Variants in FANCD2 observed in about 807,000 individuals in gnomAD.
FANCD2 encodes Fanconi anemia group D2 protein.
Under a neutral mutation model 192.3 loss-of-function variants are expected in FANCD2, and 131 were observed. The ratio of observed to expected loss-of-function variants is 0.68; its 90% CI spans 0.59 to 0.79. The LOEUF is 0.79. Ranked by LOEUF, FANCD2 falls within the 30% of genes least tolerant of loss-of-function variation. The pLI is 0.00. For missense variants in FANCD2, 1,508 were observed against 1,701.6 expected (o/e 0.89, Z 2.00); for synonymous variants, 524 against 612.5 (o/e 0.86, Z 2.13).
intron 36 of FANCD2, among the ~76,000 whole-genome samples, chr3:10,089,847 G>A (rs1231740353): frequency 6.6e-6 from 1 of 152,140 alleles, no homozygotes; most frequent in Non-Finnish European, 1.5e-5. Context: ...AATATCAATA[G>A]TTATCTTAAC....
At chr3:10,038,103 G>A (rs992936974) in intron 7 of FANCD2, among the ~76,000 whole-genome samples, 4 of 152,158 alleles carry the variant, frequency 2.6e-5, no homozygotes, top group Admixed American at 1.3e-4. Flanking sequence ...TGATTCTCCT[G>A]CCTCAGCCCC....
Position 10,081,093 on chromosome 3 carries a change from A to G in FANCD2, c.2977-7A>G, listed in dbSNP as rs1693808899. The G allele has an allele frequency of 6.2e-7, 1 of 1,613,976 alleles. No individual in the cohort carries two copies. The highest frequency in any genetic ancestry group is 1.3e-5 in the African/African-American group (1 of 74,942). On this transcript the variant is annotated splice_region_variant and splice_polypyrimidine_tract_variant and intron_variant, in intron 30 of 43. Transcript: ENST00000675286. ...TTTCTTCACTCATAACTCTGCATTTATTATAGAACAAAGGAAGCCGGAATA... is the reference window on the plus strand; with the variant it reads ...TTTCTTCACTCATAACTCTGCATTTGTTATAGAACAAAGGAAGCCGGAATA...
At chr3:10,039,156 A>C in intron 7 of FANCD2, 123 bp from the exon 8 acceptor site, 1 of 647,482 alleles carries the variant, frequency 1.5e-6, no homozygotes, top group Non-Finnish European at 2.7e-6. Context: ...TGCAGTGCCG[A>C]ATGCATAGTA....
intron 31 of FANCD2, 51 bp from the exon 32 acceptor site, chr3:10,081,295 A>C: frequency 6.2e-7 from 1 of 1,612,992 alleles, no homozygotes; most frequent in Non-Finnish European, 8.5e-7. Flanking sequence ...AGAAAAAGGA[A>C]AATGAGGACA....
rs190777319 is a variant in FANCD2 at position 10,064,760 on chromosome 3, G to A, written c.2053G>A (p.Gly685Arg). The change falls in exon 23 of 44, where the codon GGA becomes AGA. Residue 685 changes from glycine to arginine, a missense_variant. Physicochemically the swap from Gly to Arg is moderately radical, Grantham distance 125 (BLOSUM62 -2). Transcript: ENST00000675286. Reference protein sequence around the residue: ...DFPFPVKALYGLEEYDTQDGI... With the variant: ...DFPFPVKALYRLEEYDTQDGI... Reference sequence around the variant, plus strand: ...TCCATTTCCTGTGAAAGCACTGTACGGACTGGAAGAATACGACACTCAGGA... The same window carrying A: ...TCCATTTCCTGTGAAAGCACTGTACAGACTGGAAGAATACGACACTCAGGA... 8.1e-6 allele frequency: 13 copies of A among 1,614,074 alleles called. No homozygotes were observed. Among genetic ancestry groups the A allele is most frequent in the African/African-American group, 6.7e-5 (5 of 75,054 alleles).
At chr3:10,069,611 G>A (rs909347575) in intron 26 of FANCD2, among the ~76,000 whole-genome samples, 1 of 151,844 alleles carries the variant, frequency 6.6e-6, no homozygotes, top group Non-Finnish European at 1.5e-5. Flanking sequence ...GCAGGCGCGC[G>A]CCGCCACGCC....
intron 28 of FANCD2, 37 bp downstream of exon 28, chr3:10,073,399 A>G: frequency 7.1e-7 from 1 of 1,415,846 alleles, no homozygotes; most frequent in Non-Finnish European, 1.0e-6. Flanking sequence ...GGTTTGTGAC[A>G]TCCCAGTGAG....
chr3:10,033,448 A>G (rs2086651315), intron 3 of FANCD2, among the ~76,000 whole-genome samples: 1 of 152,166 alleles, frequency 6.6e-6, no homozygotes, highest in Admixed American at 6.5e-5. Flanking sequence ...TTTGGTCCTC[A>G]TTACTATGTC....
Position 10,088,556 on chromosome 3 carries a change from T to C in FANCD2, c.3560+14T>C. On this transcript the variant is annotated intron_variant, in intron 35 of 43. Transcript: ENST00000675286. ...TGCTCTGCTCTGGTGAGATGTTTGG[T>C]TTCTTCCAATGAGCCAAATAGCTTT... The C allele has an allele frequency of 6.5e-7, 1 of 1,540,790 alleles. No homozygotes were observed. Among genetic ancestry groups the C allele is most frequent in the East Asian group, 2.2e-5 (1 of 44,496 alleles).
chr3:10,069,026 AT>A (rs2087796595), intron 26 of FANCD2, among the ~76,000 whole-genome samples: 1 of 152,242 alleles, frequency 6.6e-6, no homozygotes, highest in Admixed American at 6.5e-5. Context: ...ACTTCAAATT[AT>A]GAAACTACTA....
At chr3:10,089,219 A>G (rs1694429862) in intron 36 of FANCD2, among the ~76,000 whole-genome samples, 1 of 151,866 alleles carries the variant, frequency 6.6e-6, no homozygotes, top group African/African-American at 2.4e-5. Context: ...TGGGAGGCGG[A>G]GGTTGCAGTG....
intron 14 of FANCD2, 199 bp from the exon 15 acceptor site, chr3:10,046,381 G>C: frequency 1.2e-6 from 1 of 812,692 alleles, no homozygotes; most frequent in South Asian, 1.7e-5. Flanking sequence ...GGTATCAATG[G>C]TTAACAGTTG....
intron 42 of FANCD2, 86 bp downstream of exon 42, chr3:10,096,558 C>G (rs1325011459): frequency 1.6e-6 from 2 of 1,272,312 alleles, no homozygotes; most frequent in East Asian, 4.6e-5. Context: ...GTCACCTAAG[C>G]CCTCGTCTCT....
rs746501818 is a variant in FANCD2 at position 10,094,359 on chromosome 3, A to G, written c.3959A>G (p.His1320Arg). Residue 1320 changes from histidine to arginine, a missense_variant, in exon 40 of 44, where the codon CAC becomes CGC. His to Arg is a conservative substitution (Grantham distance 29). Around this residue, in one of 5 missense-constraint regions of FANCD2, gnomAD observed 796 missense variants for 879.4 expected, o/e 0.91. Coordinates refer to ENST00000675286, the MANE Select transcript of FANCD2 (RefSeq NM_001018115.3). Reference sequence around the variant, plus strand: ...CTCCTAGACTTCAGTTTTAGAAAACACCGGGTAAGAGCTAAGAGCAGAGAA... The same window carrying G: ...CTCCTAGACTTCAGTTTTAGAAAACGCCGGGTAAGAGCTAAGAGCAGAGAA... ...MPLLDFSFRK[H>R]REDVLSLLET... is the part of the protein sequence containing the mutation. 5 of 1,613,128 alleles carry G rather than the reference A, an allele frequency of 3.1e-6. No individual in the cohort carries two copies. The East Asian group carries it at 8.9e-5, about 29-fold the overall frequency.
Position 10,067,228 on chromosome 3 carries a change from A to G in FANCD2, c.2405A>G (p.Gln802Arg). 1 of 1,612,492 alleles carries G rather than the reference A, an allele frequency of 6.2e-7. No individual in the cohort carries two copies. Among genetic ancestry groups the G allele is most frequent in the East Asian group, 2.2e-5 (1 of 44,872 alleles). ...TTGCAGATTGTAAATGCCTTCTGCC[A>G]GGAAACATCACCTGAGATGAAGGGG... ...WFREIVNAFC[Q>R]ETSPEMKGKV... is the part of the protein sequence containing the mutation. Residue 802 changes from glutamine to arginine, a missense_variant, in exon 26 of 44, where the codon CAG becomes CGG. Gln to Arg is a conservative substitution (Grantham distance 43, BLOSUM62 1). Coordinates refer to ENST00000675286, the MANE Select transcript of FANCD2 (RefSeq NM_001018115.3).
intron 30 of FANCD2, among the ~76,000 whole-genome samples, chr3:10,080,483 T>G (rs1232000177): frequency 1.3e-5 from 2 of 152,212 alleles, no homozygotes; most frequent in Non-Finnish European, 2.9e-5. Flanking sequence ...TCAATTATAA[T>G]AGGGAGGCAG....
At chr3:10,088,705 G>T in intron 35 of FANCD2, 123 bp from the exon 36 acceptor site, 1 of 1,170,190 alleles carries the variant, frequency 8.5e-7, no homozygotes. Context: ...AAGATCCTCT[G>T]GTTCTGTTTT....
At chr3:10,060,726 C>G (rs2087541635) in intron 19 of FANCD2, among the ~76,000 whole-genome samples, 1 of 152,194 alleles carries the variant, frequency 6.6e-6, no homozygotes, top group African/African-American at 2.4e-5. Context: ...GATATAGGCA[C>G]TAGACAATGC....
Position 10,060,396 on chromosome 3 carries a change from G to A in FANCD2, c.1759G>A (p.Ala587Thr), listed in dbSNP as rs1553610798. 3 of 1,612,752 alleles carry A rather than the reference G, an allele frequency of 1.9e-6. No individual in the cohort carries two copies. The highest frequency in any genetic ancestry group is 1.1e-5 in the South Asian group (1 of 91,042). The change falls in exon 19 of 44, where the codon GCA becomes ACA. Residue 587 changes from alanine (A) to threonine (T), a missense_variant. Physicochemically the swap from Ala to Thr is moderately conservative, Grantham distance 58 (BLOSUM62 0). This residue lies in a region of FANCD2 where 110 missense variants were observed against 114.4 expected (regional missense o/e 0.96). Coordinates refer to ENST00000675286, the MANE Select transcript of FANCD2 (RefSeq NM_001018115.3). ...TGTGACCATGGCTGGCATCATGGCG[G>A]CAGACAGGTACACGTGGAGATTCTG... ...GAVTMAGIMAADRSESPSLTQ... is the reference protein window; with the variant it reads ...GAVTMAGIMATDRSESPSLTQ...
Sources: gnomAD v4.1 joint callset for allele counts (sites outside exome capture counted in the v4.1 genomes callset) on GRCh38, gnomAD v4.1.1 for gene constraint, gnomAD v4.1.1 regional missense constraint, MANE v1.5 for transcripts, NCBI Gene and HGNC (gene_info 2026-07-23, HGNC 2026-07-21) for gene names.